The following PBX1 variants were observed in gnomAD, a reference collection of about 807,000 sequenced individuals.
The protein encoded by PBX1 is PBX homeobox 1.
PBX1 carries 6 observed loss-of-function variants against 53.4 expected under a neutral mutation model. That is an observed-to-expected ratio of 0.11 (90% CI 0.06 to 0.22). The LOEUF (loss-of-function observed/expected upper bound fraction) is 0.22, where lower values mean the gene tolerates loss of function less well. Among genes scored for constraint, PBX1 ranks in the 10% least tolerant of loss-of-function variants. The pLI is 1.00. For missense variants in PBX1, 251 were observed against 551.4 expected, an observed-to-expected ratio of 0.46 and a Z score of 5.46; for synonymous variants, 204 against 212.3, an observed-to-expected ratio of 0.96 and a Z score of 0.34.
intron 2 of PBX1, among the ~76,000 whole-genome samples, chr1:164,758,313 G>A (rs751720055): frequency 6.6e-6 from 1 of 152,174 alleles, no homozygotes; most frequent in Non-Finnish European, 1.5e-5. Flanking sequence ...ATATATCAGT[G>A]CATGGTGTCA....
At chr1:164,654,805 T>G (rs1362516927) in intron 2 of PBX1, among the ~76,000 whole-genome samples, 1 of 152,206 alleles carries the variant, frequency 6.6e-6, no homozygotes, top group African/African-American at 2.4e-5. Flanking sequence ...AACCAAGTCT[T>G]AAGCATTTCT....
Position 164,847,295 on chromosome 1 carries a change from T to A in PBX1, c.*619T>A, listed in dbSNP as rs1209147195. On this transcript the variant is annotated 3_prime_UTR_variant, in exon 9 of 9. Transcript: ENST00000420696. ...TCCTCTTCCTTCCTAGCCCCAGCTA[T>A]TCACTGGGGACTGTCATAGCTGGGA... The A allele has an allele frequency of 4.7e-6, 5 of 1,065,270 alleles. No homozygotes were observed. The highest frequency in any genetic ancestry group is 5.7e-6 in the Non-Finnish European group (5 of 879,344). 66.0% of individuals were successfully genotyped at this position (1,065,270 alleles called of 1,614,324 possible).
intron 8 of PBX1, among the ~76,000 whole-genome samples, chr1:164,832,667 T>A (rs923061091): frequency 2.6e-5 from 4 of 151,974 alleles, no homozygotes; most frequent in African/African-American, 9.6e-5. Flanking sequence ...AAATATAATT[T>A]AAAAAATTAG....
chr1:164,776,937 T>TGTGTGTGTG (rs1667688230), intron 2 of PBX1, among the ~76,000 whole-genome samples: 3 of 26,966 alleles, frequency 1.1e-4, no homozygotes, highest in African/African-American at 4.9e-4. Context: ...GTGTGTGTGG[T>TGTGTGTGTG]GGGAGGAGAG....
At position 164,614,116 on chromosome 1, in the gene PBX1, C is replaced by G. The variant is rs544989854; in HGVS notation, c.265+50805C>G. Among the ~76,000 whole-genome samples, 4 of 152,272 alleles carry G rather than the reference C, an allele frequency of 2.6e-5. No individual in the cohort carries two copies. The South Asian group carries it at 8.3e-4, about 32-fold the overall frequency. On this transcript the variant is annotated intron_variant, in intron 2 of 8. Transcript: ENST00000420696. ...TCCTTGCCCAGAATCACTCGGGAGG[C>G]AAAGTACAATTCCGTTCTTCCTTAT...
At chr1:164,877,648 A>G (rs965062311) in intron 2 of PBX1, among the ~76,000 whole-genome samples, 1 of 152,054 alleles carries the variant, frequency 6.6e-6, no homozygotes, top group Admixed American at 6.6e-5. Flanking sequence ...GGGCATTGGA[A>G]TGAGACCTTG....
At chr1:164,873,069 G>A (rs1205256014) in intron 2 of PBX1, among the ~76,000 whole-genome samples, 1 of 152,168 alleles carries the variant, frequency 6.6e-6, no homozygotes, top group Non-Finnish European at 1.5e-5. Context: ...TATGGAAACT[G>A]ACTCAGAAAC....
intron 2 of PBX1, chr1:164,657,507 A>C (rs974422916): frequency 6.6e-6 from 1 of 152,242 alleles, no homozygotes; most frequent in Non-Finnish European, 1.5e-5. Flanking sequence ...TGATAATTTT[A>C]CATTCTAGCA....
intron 2 of PBX1, among the ~76,000 whole-genome samples, chr1:164,646,756 C>T (rs78419476): frequency 0.039 from 5,892 of 152,230 alleles, 169 homozygotes; most frequent in South Asian, 0.11. Context: ...GTCCAACTAC[C>T]GCCATGTCTC....
At chr1:164,821,754 GT>G in intron 8 of PBX1, 128 bp downstream of exon 8, 2 of 752,296 alleles carry the variant, frequency 2.7e-6, no homozygotes, top group South Asian at 3.1e-5. Flanking sequence ...CTAGTTTCTT[GT>G]TTCTGTATCG....
chr1:164,808,796 A>G (rs959210224), intron 5 of PBX1, among the ~76,000 whole-genome samples: 1 of 152,188 alleles, frequency 6.6e-6, no homozygotes, highest in Non-Finnish European at 1.5e-5. Flanking sequence ...ACAAACTAAG[A>G]TGATTTTACA....
chr1:164,568,191 A>G (rs1477227249), intron 2 of PBX1, among the ~76,000 whole-genome samples: 1 of 152,246 alleles, frequency 6.6e-6, no homozygotes, highest in Non-Finnish European at 1.5e-5. Context: ...TTTCATTTGT[A>G]AAGCATGACC....
intron 2 of PBX1, among the ~76,000 whole-genome samples, chr1:164,644,506 G>A (rs957617941): frequency 6.6e-6 from 1 of 151,742 alleles, no homozygotes; most frequent in Non-Finnish European, 1.5e-5. Context: ...GAGCTAAGAG[G>A]TGGTCTTGGG....
intron 8 of PBX1, among the ~76,000 whole-genome samples, chr1:164,822,886 C>T (rs930502662): frequency 6.6e-6 from 1 of 152,174 alleles, no homozygotes; most frequent in African/African-American, 2.4e-5. Flanking sequence ...AAGGGGTTGG[C>T]TGCCCTTAAG....
At chr1:164,716,797 G>A (rs920166096) in intron 2 of PBX1, among the ~76,000 whole-genome samples, 22 of 151,232 alleles carry the variant, frequency 1.5e-4, no homozygotes, top group African/African-American at 4.6e-4. Context: ...AACATGCATA[G>A]TATCTTTCTT....
At chr1:164,792,162 G>A (rs1668547508) in intron 2 of PBX1, among the ~76,000 whole-genome samples, 1 of 152,114 alleles carries the variant, frequency 6.6e-6, no homozygotes, top group Non-Finnish European at 1.5e-5. Context: ...CAAAAACTCA[G>A]CTTCCCAAAG....
At chr1:164,599,682 C>G (rs1360838415) in intron 2 of PBX1, among the ~76,000 whole-genome samples, 1 of 152,148 alleles carries the variant, frequency 6.6e-6, no homozygotes, top group African/African-American at 2.4e-5. Context: ...ATTTCTTGCT[C>G]TGTTATATAA....
rs1435053336 is a variant in PBX1 at position 164,657,496 on chromosome 1, A to G, written c.265+94185A>G. On this transcript the variant is annotated intron_variant, in intron 2 of 8. Transcript: ENST00000420696. ...TATTTACTTCAATCTTAGAAATGAAATGATAATTTTACATTCTAGCAGATG... is the reference window on the plus strand; with the variant it reads ...TATTTACTTCAATCTTAGAAATGAAGTGATAATTTTACATTCTAGCAGATG... The G allele has an allele frequency of 2.0e-5, 3 of 152,220 alleles. No homozygotes were observed. The East Asian group carries it at 5.8e-4, about 29-fold the overall frequency. The allele number at this position is 152,220 out of a possible 1,614,324, so 9.4% of individuals were successfully genotyped here.
chr1:164,852,521 C>T (rs561415803), downstream of PBX1, among the ~76,000 whole-genome samples: 1 of 152,322 alleles, frequency 6.6e-6, no homozygotes, highest in African/African-American at 2.4e-5. Context: ...ATCTTCCCAT[C>T]CATAGAGTGG....
Sources: gnomAD v4.1 joint callset for allele counts (sites outside exome capture counted in the v4.1 genomes callset) on GRCh38, gnomAD v4.1.1 for gene constraint, MANE v1.5 for transcripts, NCBI Gene and HGNC (gene_info 2026-07-23, HGNC 2026-07-21) for gene names.